SYT1: variants seen among roughly 807,000 people sequenced by gnomAD.
The protein encoded by SYT1 is synaptotagmin 1, also known as synaptotagmin-1.
Under a neutral mutation model 44.8 loss-of-function variants are expected in SYT1, and 8 were observed. That is an observed-to-expected ratio of 0.18 (90% CI 0.10 to 0.32). The LOEUF (loss-of-function observed/expected upper bound fraction) is 0.32. Ranked by LOEUF, SYT1 falls within the 10% of genes least tolerant of loss-of-function variation. The pLI, the probability that SYT1 is intolerant of heterozygous loss-of-function variation, is 1.00. For synonymous variants in SYT1, 154 were observed against 188.8 expected (o/e 0.82, Z 1.51); for missense variants, 286 against 509.3 (o/e 0.56, Z 4.22).
chr12:78,914,744 TTTC>T (rs1876550793), intron 1 of SYT1, among the ~76,000 whole-genome samples: 1 of 152,048 alleles, frequency 6.6e-6, no homozygotes. Flanking sequence ...AATATTTATT[TTTC>T]TTCTTATAAA....
At chr12:79,445,321 A>G (rs1006216696) in intron 10 of SYT1, among the ~76,000 whole-genome samples, 2 of 152,046 alleles carry the variant, frequency 1.3e-5, no homozygotes, top group South Asian at 2.1e-4. Flanking sequence ...GGAACAGTCA[A>G]TATCCTACTT....
rs1565920019 is a variant in SYT1 at position 79,349,058 on chromosome 12, G to GAAAA, written c.811-4443_811-4442insAAAA. Among the ~76,000 whole-genome samples the GAAAA allele has an allele frequency of 2.2e-3, 277 of 126,996 alleles. 1 individual carries two copies. The highest frequency in any genetic ancestry group is 7.8e-3 in the Middle Eastern group (2 of 256). The allele number at this position is 126,996 out of a possible 152,430, so 83.3% of individuals were successfully genotyped here. ...AAAAGAAAGAAAGAAAGAAAGAAAG[G>GAAAA]AGGGAGGGAGGGAGGGAGGGAAGGA... On this transcript the variant is annotated intron_variant, in intron 8 of 10. Transcript: ENST00000261205.
chr12:79,170,085 A>G (rs906522968), intron 3 of SYT1, among the ~76,000 whole-genome samples: 3 of 152,044 alleles, frequency 2.0e-5, no homozygotes, highest in Non-Finnish European at 2.9e-5. Context: ...CATTTTCTTT[A>G]GCCAGTCTAT....
rs1386575924 is a variant in SYT1 at position 78,903,753 on chromosome 12, AT to A, written c.-217+38645del. The stretch of plus-strand genomic sequence containing the variant: ...ATGAACATGATTTACAATATTCTGA[AT>A]ATTTAATAGGTATGTATATTTATCA... On this transcript the variant is annotated intron_variant, in intron 1 of 10. Coordinates refer to ENST00000261205, the MANE Select transcript of SYT1 (RefSeq NM_005639.3). 2.0e-5 allele frequency among the ~76,000 whole-genome samples: 3 copies of A among 152,100 alleles called. No individual in the cohort carries two copies. In the East Asian group the frequency reaches 5.8e-4, roughly 29 times the overall value.
chr12:78,866,326 C>T (rs1011263139), intron 1 of SYT1, among the ~76,000 whole-genome samples: 1 of 152,142 alleles, frequency 6.6e-6, no homozygotes, highest in Admixed American at 6.5e-5. Context: ...CTTTAGAAGG[C>T]ACATGGAGGC....
chr12:78,975,202 G>C (rs1364197378), intron 1 of SYT1, among the ~76,000 whole-genome samples: 2 of 149,558 alleles, frequency 1.3e-5, no homozygotes, highest in East Asian at 4.0e-4. Context: ...AGGTTCCTCT[G>C]TTTTCACTCT....
chr12:79,451,387 A>C lies in SYT1; in HGVS notation c.*2263A>C, dbSNP rs1227245185. 6.6e-6 allele frequency: 1 copy of C among 152,230 alleles called. No individual in the cohort carries two copies. Among genetic ancestry groups the C allele is most frequent in the Non-Finnish European group, 1.5e-5 (1 of 68,032 alleles). The allele number at this position is 152,230 out of a possible 1,614,324, so 9.4% of individuals were successfully genotyped here. A position where few individuals can be genotyped will look rare whatever the true frequency, so the allele number is the denominator to read the frequency against. On this transcript the variant is annotated 3_prime_UTR_variant, in exon 11 of 11. Coordinates refer to ENST00000261205, the MANE Select transcript of SYT1 (RefSeq NM_005639.3). Reference sequence around the variant, plus strand: ...TAAAGGGCCAAACCCTACCAAAGAGAGGGAGTTGACTGGCTTTTAAAAAGT... The same window carrying C: ...TAAAGGGCCAAACCCTACCAAAGAGCGGGAGTTGACTGGCTTTTAAAAAGT...
chr12:79,110,507 T>C (rs537613410), intron 3 of SYT1, among the ~76,000 whole-genome samples: 1 of 152,224 alleles, frequency 6.6e-6, no homozygotes, highest in East Asian at 1.9e-4. Flanking sequence ...CTAGAAAACA[T>C]TTTACATTTT....
At chr12:78,872,953 A>G (rs564234668) in intron 1 of SYT1, among the ~76,000 whole-genome samples, 1 of 151,850 alleles carries the variant, frequency 6.6e-6, no homozygotes, top group East Asian at 1.9e-4. Flanking sequence ...TTGCAGAGAG[A>G]CAGAATAATG....
At chr12:79,237,096 C>T (rs566365046) in intron 4 of SYT1, among the ~76,000 whole-genome samples, 88 of 152,224 alleles carry the variant, frequency 5.8e-4, no homozygotes, top group Non-Finnish European at 1.0e-3. Context: ...GGAACACTAG[C>T]GTGAGATAAT....
At chr12:79,155,689 A>T (rs1016516290) in intron 3 of SYT1, among the ~76,000 whole-genome samples, 1 of 152,206 alleles carries the variant, frequency 6.6e-6, no homozygotes, top group Non-Finnish European at 1.5e-5. Flanking sequence ...TGCATTCTTT[A>T]TCACAATTAC....
At chr12:78,864,561 G>T (rs1371078439), upstream of SYT1, 1 of 152,148 alleles carries the variant, frequency 6.6e-6, no homozygotes, top group Non-Finnish European at 1.5e-5. Context: ...CCGCTGTGGG[G>T]ATGGAGAGAC....
intron 1 of SYT1, among the ~76,000 whole-genome samples, chr12:78,890,643 T>C (rs1875003311): frequency 6.6e-6 from 1 of 151,880 alleles, no homozygotes; most frequent in Non-Finnish European, 1.5e-5. Flanking sequence ...TCTTCCAAGC[T>C]TCACAGTTTC....
At chr12:79,155,660 A>T (rs1442301767) in intron 3 of SYT1, among the ~76,000 whole-genome samples, 1 of 152,218 alleles carries the variant, frequency 6.6e-6, no homozygotes, top group African/African-American at 2.4e-5. Flanking sequence ...ACAGCCTATT[A>T]CAGTTATGTT....
At chr12:79,044,398 C>T (rs1185730856) in intron 2 of SYT1, among the ~76,000 whole-genome samples, 1 of 151,880 alleles carries the variant, frequency 6.6e-6, no homozygotes, top group African/African-American at 2.4e-5. Context: ...TGCTGATACC[C>T]TTTCTTCCAG....
chr12:79,060,963 T>C (rs928987521), intron 3 of SYT1, among the ~76,000 whole-genome samples: 1 of 152,116 alleles, frequency 6.6e-6, no homozygotes, highest in African/African-American at 2.4e-5. Flanking sequence ...CTACTCAGGC[T>C]GGAATTAGCC....
intron 2 of SYT1, among the ~76,000 whole-genome samples, chr12:79,027,947 G>A (rs905920099): frequency 7.9e-5 from 12 of 151,416 alleles, no homozygotes; most frequent in Admixed American, 2.0e-4. Context: ...TTCCCACCTT[G>A]TGTGCATTTG....
intron 2 of SYT1, among the ~76,000 whole-genome samples, chr12:79,010,083 C>T (rs2137567353): frequency 6.6e-6 from 1 of 152,234 alleles, no homozygotes; most frequent in Non-Finnish European, 1.5e-5. Context: ...TAGATGAATA[C>T]TGTAGGTTAT....
Position 79,450,392 on chromosome 12 carries a change from T to G in SYT1, c.*1268T>G, listed in dbSNP as rs562227320. 104 of 152,714 alleles carry G rather than the reference T, an allele frequency of 6.8e-4. No homozygotes were observed. Among genetic ancestry groups the G allele is most frequent in the African/African-American group, 2.4e-3 (98 of 41,552 alleles). The allele number at this position is 152,714 out of a possible 1,614,324, so 9.5% of individuals were successfully genotyped here. On this transcript the variant is annotated 3_prime_UTR_variant, in exon 11 of 11. Transcript: ENST00000261205. ...TATGCTCTTTTTACTTAAGTTTTAA[T>G]TTGTCCTTTAAAAAAAGGTGAAACA...
Sources: gnomAD v4.1 joint callset for allele counts (sites outside exome capture counted in the v4.1 genomes callset) on GRCh38, gnomAD v4.1.1 for gene constraint, MANE v1.5 for transcripts, NCBI Gene and HGNC (gene_info 2026-07-23, HGNC 2026-07-21) for gene names.